Variants in CFAP65 observed in about 807,000 individuals in gnomAD.
The protein encoded by CFAP65 is cilia- and flagella-associated protein 65.
Under a neutral mutation model 208.0 loss-of-function variants are expected in CFAP65, and 155 were observed. That is an observed-to-expected ratio of 0.75 (90% CI 0.65 to 0.85). CFAP65 has a LOEUF of 0.85. CFAP65 is among the 40% of genes least tolerant of loss of function. CFAP65 has a pLI of 0.00. For synonymous variants in CFAP65, 970 were observed against 986.3 expected (o/e 0.98, Z 0.31); for missense variants, 2,294 against 2,451.3 (o/e 0.94, Z 1.36).
chr2:219,040,423 A>C, intron 2 of CFAP65, 96 bp downstream of exon 2: 1 of 751,398 alleles, frequency 1.3e-6, no homozygotes, highest in Non-Finnish European at 2.4e-6. Flanking sequence ...TCTGGAGGGG[A>C]CTATCTAGAT....
At chr2:219,018,971 A>C in intron 21 of CFAP65, 80 bp downstream of exon 21, 1 of 1,584,082 alleles carries the variant, frequency 6.3e-7, no homozygotes, top group Non-Finnish European at 8.6e-7. Context: ...CACCACGGGC[A>C]AGAGAGTGCA....
At chr2:219,015,925 G>C (rs1262568894) in intron 21 of CFAP65, among the ~76,000 whole-genome samples, 1 of 152,188 alleles carries the variant, frequency 6.6e-6, no homozygotes, top group Non-Finnish European at 1.5e-5. Flanking sequence ...AATGCTGAGT[G>C]AAAGCATCAT....
At position 219,006,382 on chromosome 2, in the gene CFAP65, C is replaced by T. The variant is rs59770541; in HGVS notation, c.4719+83G>A. ...ATCCCTCCTTTCTGGGAGTCTGGTC[C>T]AGGGGTTGGAGGTCTCTCTGGGAGC... On this transcript the variant is annotated intron_variant, in intron 30 of 34. Transcript: ENST00000341552. 5,806 of 1,558,206 alleles carry T rather than the reference C, an allele frequency of 3.7e-3. 191 individuals carry two copies. The African/African-American group carries it at 0.069, about 18-fold the overall frequency.
intron 19 of CFAP65, among the ~76,000 whole-genome samples, chr2:219,019,931 A>G (rs1389054817): frequency 1.3e-5 from 2 of 152,170 alleles, no homozygotes; most frequent in East Asian, 3.9e-4. Flanking sequence ...AGTGCCTTAT[A>G]CACATGCCTG....
Position 219,002,871 on chromosome 2 carries a change from A to C in CFAP65, c.*66T>G. ...TACAGAAAAAAGACTAGATGCTTTT[A>C]CTGGCGGTGGAGAGGGGGCCAGGCG... On this transcript the variant is annotated 3_prime_UTR_variant, in exon 35 of 35. Coordinates refer to ENST00000341552, the MANE Select transcript of CFAP65 (RefSeq NM_194302.4). This position sits in a 1 kb window ranked among gnomAD's most constrained non-coding sequence, Gnocchi z 7.9. 1 of 1,360,040 alleles carries C rather than the reference A, an allele frequency of 7.4e-7. No individual in the cohort carries two copies. Among genetic ancestry groups the C allele is most frequent in the Non-Finnish European group, 1.0e-6 (1 of 972,466 alleles). The allele number at this position is 1,360,040 out of a possible 1,614,324, so 84.2% of individuals were successfully genotyped here.
intron 14 of CFAP65, 72 bp downstream of exon 14, chr2:219,025,950 A>C: frequency 6.4e-7 from 1 of 1,556,622 alleles, no homozygotes; most frequent in Admixed American, 1.7e-5. Flanking sequence ...AGAATGGGAG[A>C]GGGATCTGCA....
chr2:219,013,709 T>C, intron 22 of CFAP65, 124 bp from the exon 23 acceptor site: 1 of 1,183,356 alleles, frequency 8.5e-7, no homozygotes, highest in Non-Finnish European at 1.2e-6. Flanking sequence ...CGCCCTTGAG[T>C]TGGGATGGGG....
In CFAP65 at chr2:219,028,423, G is replaced by C. The variant is rs770869226; in HGVS notation, c.1651-22C>G. 7.5e-6 allele frequency: 12 copies of C among 1,610,076 alleles called. No individual in the cohort carries two copies. In the South Asian group the frequency reaches 1.2e-4, roughly 16 times the overall value. On this transcript the variant is annotated intron_variant, in intron 11 of 34. Coordinates refer to ENST00000341552, the MANE Select transcript of CFAP65 (RefSeq NM_194302.4). ...GGTCCTGTGACATTTGTCTGTGTGT[G>C]GTGGGGCATGGGAGGGGTGGTAGGG... is the stretch of plus-strand genomic sequence containing the variant.
intron 9 of CFAP65, 83 bp downstream of exon 9, chr2:219,030,606 G>A (rs1947949951): frequency 2.0e-6 from 3 of 1,534,428 alleles, no homozygotes; most frequent in Non-Finnish European, 1.8e-6. Context: ...GAGAGAAAGG[G>A]GGGGCATTCT....
At position 219,021,843 on chromosome 2, in the gene CFAP65, T is replaced by C. The variant is rs748008106; in HGVS notation, c.3067A>G (p.Thr1023Ala). 1.5e-4 allele frequency: 238 copies of C among 1,611,968 alleles called. No homozygotes were observed. Among genetic ancestry groups the C allele is most frequent in the Non-Finnish European group, 1.8e-4 (213 of 1,178,740 alleles). Residue 1023 changes from threonine to alanine, a missense_variant, in exon 18 of 35, where the codon ACC becomes GCC. Physicochemically the swap from Thr to Ala is moderately conservative, Grantham distance 58 (BLOSUM62 0). Around this residue, in one of 2 missense-constraint regions of CFAP65, gnomAD observed 1,427 missense variants for 1,438.7 expected, o/e 0.99. Coordinates refer to ENST00000341552, the MANE Select transcript of CFAP65 (RefSeq NM_194302.4). ...FLVLLNDGNCTLYYRLYLEQG... is the reference protein window; with the variant it reads ...FLVLLNDGNCALYYRLYLEQG... ...TCCAGGTAGAGGCGGTAATAGAGGG[T>C]GCAGTTGCCGTCATTCAGGAGGACA... is the stretch of plus-strand genomic sequence containing the variant.
chr2:219,019,155 G>A lies in CFAP65; in HGVS notation c.3498C>T (p.Leu1166=). The change falls in exon 21 of 35, where the codon CTC becomes CTT. Residue 1166 remains leucine, a synonymous_variant. Transcript: ENST00000341552. The part of the protein sequence containing the change: ...RHSMSQIPPV[L]TPLRLDFNFG... ...AATTGAAGTCAAGCCTTAAAGGGGT[G>A]AGGACGGGGGGGATCTGGCTCATGC... The A allele has an allele frequency of 6.2e-7, 1 of 1,613,888 alleles. No individual in the cohort carries two copies. The highest frequency in any genetic ancestry group is 8.5e-7 in the Non-Finnish European group (1 of 1,179,828).
intron 4 of CFAP65, among the ~76,000 whole-genome samples, chr2:219,038,172 G>A (rs1282723963): frequency 6.6e-6 from 1 of 152,196 alleles, no homozygotes; most frequent in Non-Finnish European, 1.5e-5. Flanking sequence ...TATTTACTGA[G>A]TGTGTTCGAT....
At chr2:219,016,127 C>G (rs1408256980) in intron 21 of CFAP65, among the ~76,000 whole-genome samples, 3 of 152,128 alleles carry the variant, frequency 2.0e-5, no homozygotes, top group Non-Finnish European at 4.4e-5. Context: ...TTTCCCATAG[C>G]TCCTATGTTG....
In CFAP65 at chr2:219,024,067, C is replaced by T. The variant is rs112103362; in HGVS notation, c.2543G>A (p.Trp848Ter). 3 of 1,614,048 alleles carry T rather than the reference C, an allele frequency of 1.9e-6. No homozygotes were observed. Among genetic ancestry groups the T allele is most frequent in the South Asian group, 2.2e-5 (2 of 91,084 alleles). ...CTGCAGATAGAAAGTGTGCTGCTTC[C>T]AGGAGCTGCCCTCAGGGTAGGTGCA... Reference protein sequence around the residue: ...LICTYPEGSSWKQHTFYLQCN... With the variant: ...LICTYPEGSS Residue 848 changes from tryptophan (W) to a stop codon, truncating the protein, a stop_gained, in exon 15 of 35, where the codon TGG becomes TAG. Transcript: ENST00000341552. LOFTEE classifies it high-confidence loss of function.
rs1200581222 is a variant in CFAP65 at position 219,041,473 on chromosome 2, A to G, written c.-49+15T>C. 5.8e-6 allele frequency: 9 copies of G among 1,550,538 alleles called. No individual in the cohort carries two copies. Among genetic ancestry groups the G allele is most frequent in the Admixed American group, 2.0e-5 (1 of 50,992 alleles). On this transcript the variant is annotated intron_variant, in intron 1 of 34. Coordinates refer to ENST00000341552, the MANE Select transcript of CFAP65 (RefSeq NM_194302.4). ...CTGAGACCCTGGGACCTTGGGACTA[A>G]CGCTCAGAACTTACATCGCCTCCAT...
chr2:219,016,988 C>A (rs993710345), intron 21 of CFAP65, among the ~76,000 whole-genome samples: 1 of 152,238 alleles, frequency 6.6e-6, no homozygotes, highest in African/African-American at 2.4e-5. Flanking sequence ...CCTTTTCCCG[C>A]GAGGCTGTAG....
Position 219,038,380 on chromosome 2 carries a change from C to A in CFAP65, c.352G>T (p.Ala118Ser), listed in dbSNP as rs370635840. The A allele has an allele frequency of 3.1e-6, 5 of 1,612,406 alleles. No individual in the cohort carries two copies. Among genetic ancestry groups the A allele is most frequent in the African/African-American group, 1.3e-5 (1 of 74,782 alleles). ...TGCCCTGGCTGTATCCTTACCTGGG[C>A]GCTGATGGTGCTGCAGGCACTCATG... is the stretch of plus-strand genomic sequence containing the variant. ...AAMSACSTISAQPASSMDTQM... is the reference protein window; with the variant it reads ...AAMSACSTISSQPASSMDTQM... The change falls in exon 4 of 35, where the codon GCC (alanine) becomes TCC (serine). Residue 118 changes from alanine to serine, a missense_variant. Transcript: ENST00000341552.
chr2:219,010,436 C>G (rs941683514), intron 26 of CFAP65, 110 bp downstream of exon 26: 31 of 1,204,038 alleles, frequency 2.6e-5, no homozygotes, highest in Non-Finnish European at 3.6e-5. Context: ...TCTGTCCCTC[C>G]TCAACTACAT....
chr2:219,010,278 G>T (rs908241592), intron 26 of CFAP65, among the ~76,000 whole-genome samples, 193 bp from the exon 27 acceptor site: 3 of 152,124 alleles, frequency 2.0e-5, no homozygotes, highest in African/African-American at 7.2e-5. Flanking sequence ...TCATCCCAGT[G>T]AAGAGGGTGG....
Sources: allele counts gnomAD v4.1 joint callset (sites outside exome capture counted in the v4.1 genomes callset), GRCh38; gene constraint gnomAD v4.1.1; regional missense constraint gnomAD v4.1.1; non-coding constraint Gnocchi (gnomAD v3.1); transcripts MANE v1.5; gene names NCBI Gene and HGNC (gene_info 2026-07-23, HGNC 2026-07-21).